The following KIAA0319 variants were observed in gnomAD, a reference collection of about 807,000 sequenced individuals.
KIAA0319 encodes KIAA0319.
A neutral mutation model predicts 108.4 loss-of-function variants in KIAA0319; 83 were observed. That is an observed-to-expected ratio of 0.77 (90% CI 0.64 to 0.92). The LOEUF is 0.92. Among genes scored for constraint, KIAA0319 ranks in the 40% least tolerant of loss-of-function variants. The pLI, the probability that KIAA0319 is intolerant of heterozygous loss-of-function variation, is 0.00. For synonymous variants in KIAA0319, 484 were observed against 510.4 expected, an observed-to-expected ratio of 0.95 and a Z score of 0.70; for missense variants, 1,195 against 1,322.4, an observed-to-expected ratio of 0.90 and a Z score of 1.49.
intron 11 of KIAA0319, among the ~76,000 whole-genome samples, chr6:24,570,961 C>T (rs1317227129): frequency 6.6e-6 from 1 of 151,794 alleles, no homozygotes; most frequent in East Asian, 2.0e-4. Context: ...GAGGCCGAGG[C>T]AGGGGATCAC....
intron 20 of KIAA0319, 131 bp downstream of exon 20, chr6:24,551,303 G>A: frequency 2.9e-6 from 2 of 682,026 alleles, no homozygotes; most frequent in South Asian, 1.8e-5. Context: ...CAGAATCCCA[G>A]CCTCACTCTT....
rs763966559 is a variant in KIAA0319 at position 24,568,883 on chromosome 6, T to G, written c.2038A>C (p.Thr680Pro). The change falls in exon 13 of 21, where the codon ACT becomes CCT. Residue 680 changes from threonine (T) to proline (P), a missense_variant. Thr to Pro is a conservative substitution (Grantham distance 38). Transcript: ENST00000378214. The part of the protein sequence containing the change: ...EMENIDKAIA[T>P]VTGLQVGTYH... Reference sequence around the variant, plus strand: ...GTCCCCACCTGGAGACCAGTCACAGTGGCTATTGCTTTGTCAATATTTTCC... The same window carrying G: ...GTCCCCACCTGGAGACCAGTCACAGGGGCTATTGCTTTGTCAATATTTTCC... The G allele has an allele frequency of 1.7e-5, 27 of 1,614,198 alleles. No individual in the cohort carries two copies. The highest frequency in any genetic ancestry group is 2.1e-5 in the Non-Finnish European group (25 of 1,180,024).
In KIAA0319 at chr6:24,566,746, T is replaced by A; in HGVS notation, c.2143A>T (p.Asn715Tyr). The A allele has an allele frequency of 1.9e-6, 3 of 1,604,604 alleles. No homozygotes were observed. The highest frequency in any genetic ancestry group is 2.5e-6 in the Non-Finnish European group (3 of 1,176,908). ...GCCCGGGCTCTGGGAGGACTATTATTTTCTAAGTCAAATATAGCAAAATGA... is the reference window on the plus strand; with the variant it reads ...GCCCGGGCTCTGGGAGGACTATTATATTCTAAGTCAAATATAGCAAAATGA... Reference protein sequence around the residue: ...STLTVAVKKENNSPPRARAGG... With the variant: ...STLTVAVKKEYNSPPRARAGG... Residue 715 changes from asparagine (N) to tyrosine (Y), a missense_variant and splice_region_variant, in exon 14 of 21, where the codon AAT (asparagine) becomes TAT (tyrosine). Coordinates refer to ENST00000378214, the MANE Select transcript of KIAA0319 (RefSeq NM_014809.4).
At position 24,568,908 on chromosome 6, in the gene KIAA0319, C is replaced by T. The variant is rs371500801; in HGVS notation, c.2013G>A (p.Met671Ile). ...EHVRGPSAVE[M>I]ENIDKAIATV... Reference sequence around the variant, plus strand: ...TGGCTATTGCTTTGTCAATATTTTCCATCTCCACTGCACTGGGGCCTCTAT... The same window carrying T: ...TGGCTATTGCTTTGTCAATATTTTCTATCTCCACTGCACTGGGGCCTCTAT... Residue 671 changes from methionine (M) to isoleucine (I), a missense_variant, in exon 13 of 21, where the codon ATG (methionine) becomes ATA (isoleucine). Physicochemically the swap from Met to Ile is conservative, Grantham distance 10. Coordinates refer to ENST00000378214, the MANE Select transcript of KIAA0319 (RefSeq NM_014809.4). 3 of 1,614,208 alleles carry T rather than the reference C, an allele frequency of 1.9e-6. No individual in the cohort carries two copies. In the Admixed American group the frequency reaches 5.0e-5, roughly 27 times the overall value.
At chr6:24,640,918 C>T (rs921940368) in intron 1 of KIAA0319, among the ~76,000 whole-genome samples, 15 of 152,066 alleles carry the variant, frequency 9.9e-5, no homozygotes, top group South Asian at 4.2e-4. Flanking sequence ...CCTCCCAAAC[C>T]GCCGCAATTA....
intron 1 of KIAA0319, among the ~76,000 whole-genome samples, chr6:24,627,147 A>G (rs1293306546): frequency 6.6e-6 from 1 of 152,214 alleles, no homozygotes; most frequent in Non-Finnish European, 1.5e-5. Context: ...AACATGTAAT[A>G]TATCTTAGTA....
intron 14 of KIAA0319, among the ~76,000 whole-genome samples, 186 bp downstream of exon 14, chr6:24,566,411 T>A (rs10456307): frequency 0.095 from 14,507 of 152,222 alleles, 692 homozygotes; most frequent in South Asian, 0.15. Flanking sequence ...GAAACTGAAT[T>A]AGCCAGCAAC....
chr6:24,630,508 C>CAAAA (rs66787757), intron 1 of KIAA0319, among the ~76,000 whole-genome samples: 193 of 103,940 alleles, frequency 1.9e-3, no homozygotes, highest in Middle Eastern at 4.8e-3. Flanking sequence ...GATTCTGTCT[C>CAAAA]AAAAAAAAAA....
intron 1 of KIAA0319, among the ~76,000 whole-genome samples, chr6:24,622,632 T>C (rs1229948857): frequency 6.6e-6 from 1 of 152,220 alleles, no homozygotes; most frequent in Non-Finnish European, 1.5e-5. Context: ...ACCTCCTATG[T>C]GTTAGGCCCA....
intron 16 of KIAA0319, among the ~76,000 whole-genome samples, chr6:24,562,769 G>T (rs527568219): frequency 2.4e-4 from 37 of 152,152 alleles, no homozygotes; most frequent in Non-Finnish European, 4.0e-4. Flanking sequence ...AATCTGAAAG[G>T]CGGAGGTTAC....
chr6:24,564,418 C>G, intron 14 of KIAA0319, 78 bp from the exon 15 acceptor site: 1 of 1,573,162 alleles, frequency 6.4e-7, no homozygotes, highest in South Asian at 1.1e-5. Flanking sequence ...TCCTAAACCT[C>G]AGTGTCCCAT....
chr6:24,629,454 G>C (rs1477580649), intron 1 of KIAA0319, among the ~76,000 whole-genome samples: 2 of 135,424 alleles, frequency 1.5e-5, no homozygotes, highest in Non-Finnish European at 3.0e-5. Flanking sequence ...AGCAGAGCTT[G>C]CAATGAGCCG....
intron 3 of KIAA0319, 30 bp from the exon 4 acceptor site, chr6:24,588,815 TATTAAAAAAAAAAC>T: frequency 6.4e-7 from 1 of 1,563,498 alleles, no homozygotes; most frequent in Non-Finnish European, 8.7e-7. Context: ...GATAAATTGT[TATTAAAAAAAAAAC>T]AGTCCAACTC....
At chr6:24,556,792 C>A in intron 17 of KIAA0319, 63 bp from the exon 18 acceptor site, 2 of 1,548,904 alleles carry the variant, frequency 1.3e-6, no homozygotes, top group Admixed American at 3.8e-5. Context: ...GATTCAGCTT[C>A]TTTTGTATCT....
At chr6:24,565,311 CTCCAAG>C (rs1763741416) in intron 14 of KIAA0319, among the ~76,000 whole-genome samples, 1 of 147,324 alleles carries the variant, frequency 6.8e-6, no homozygotes, top group Non-Finnish European at 1.5e-5. Flanking sequence ...CTTAGTACAT[CTCCAAG>C]ACTAAATCTG....
At chr6:24,600,415 G>GAAAAC (rs1196034389) in intron 2 of KIAA0319, among the ~76,000 whole-genome samples, 1 of 152,118 alleles carries the variant, frequency 6.6e-6, no homozygotes, top group African/African-American at 2.4e-5. Flanking sequence ...CAAAATTTGG[G>GAAAAC]TGCTTCTGAA....
At position 24,547,150 on chromosome 6, in the gene KIAA0319, C is replaced by T. The variant is rs1304949976; in HGVS notation, c.*15G>A. 1.2e-6 allele frequency: 2 copies of T among 1,613,620 alleles called. No homozygotes were observed. The highest frequency in any genetic ancestry group is 1.7e-6 in the Non-Finnish European group (2 of 1,179,730). On this transcript the variant is annotated 3_prime_UTR_variant, in exon 21 of 21. Coordinates refer to ENST00000378214, the MANE Select transcript of KIAA0319 (RefSeq NM_014809.4). ...GGATTCAAGGGGTCCTTCCACTTTACAATGAACTGCGCCATTATCTGTCCT... is the reference window on the plus strand; with the variant it reads ...GGATTCAAGGGGTCCTTCCACTTTATAATGAACTGCGCCATTATCTGTCCT...
Position 24,546,264 on chromosome 6 carries a change from A to T in KIAA0319, c.*901T>A, listed in dbSNP as rs978278200. 5.3e-5 allele frequency: 8 copies of T among 152,144 alleles called. No individual in the cohort carries two copies. The highest frequency in any genetic ancestry group is 1.9e-4 in the African/African-American group (8 of 41,412). 9.4% of individuals were successfully genotyped at this position (152,144 alleles called of 1,614,324 possible). ...TTTCAGAGTTTTGGAATATATACAC[A>T]ATTGCTGAGTCGTTATCCCTATCTA... On this transcript the variant is annotated 3_prime_UTR_variant, in exon 21 of 21. Coordinates refer to ENST00000378214, the MANE Select transcript of KIAA0319 (RefSeq NM_014809.4).
intron 1 of KIAA0319, among the ~76,000 whole-genome samples, chr6:24,629,737 TGAA>T (rs1775270038): frequency 6.6e-6 from 1 of 152,116 alleles, no homozygotes; most frequent in African/African-American, 2.4e-5. Flanking sequence ...AAATTTTTAA[TGAA>T]GGAGATTAGT....
Sources: allele counts gnomAD v4.1 joint callset (sites outside exome capture counted in the v4.1 genomes callset), GRCh38; gene constraint gnomAD v4.1.1; transcripts MANE v1.5; gene names NCBI Gene and HGNC (gene_info 2026-07-23, HGNC 2026-07-21).